The following TRAPPC9 variants were observed in gnomAD, a reference collection of about 807,000 sequenced individuals.
The protein encoded by TRAPPC9 is trafficking protein particle complex subunit 9, also known as IKK2 binding protein.
TRAPPC9 carries 83 observed loss-of-function variants against 124.0 expected under a neutral mutation model. The observed-to-expected ratio is 0.67, with a 90% CI of 0.56 to 0.80. The LOEUF (loss-of-function observed/expected upper bound fraction) is 0.80, where lower values mean the gene tolerates loss of function less well. Among genes scored for constraint, TRAPPC9 ranks in the 30% least tolerant of loss-of-function variants. The probability of loss-of-function intolerance (pLI) is 0.00; values close to 1 mark genes in which losing one functional copy is unlikely to be tolerated. For synonymous variants in TRAPPC9, 638 were observed against 617.5 expected (o/e 1.03, Z -0.49); for missense variants, 1,302 against 1,508.3 (o/e 0.86, Z 2.27).
chr8:140,018,324 A>ATTTTTTCTTTTTTTTTTTTTTTTTTTTCT (rs765656679), intron 18 of TRAPPC9, among the ~76,000 whole-genome samples: 2 of 119,782 alleles, frequency 1.7e-5, no homozygotes, highest in African/African-American at 6.5e-5. Context: ...AACGTAAGTG[A>ATTTTTTCTTTTTTTTTTTTTTTTTTTTCT]TTTTTTTTTT....
intron 17 of TRAPPC9, among the ~76,000 whole-genome samples, chr8:140,101,260 C>G (rs2060572949): frequency 6.6e-6 from 1 of 152,054 alleles, no homozygotes; most frequent in Non-Finnish European, 1.5e-5. Context: ...CTGCCTCAGC[C>G]TCCCAAGTAG....
chr8:139,807,187 A>T (rs1431639758), intron 21 of TRAPPC9, among the ~76,000 whole-genome samples: 4 of 152,208 alleles, frequency 2.6e-5, no homozygotes, highest in Non-Finnish European at 5.9e-5. Context: ...CTGTGGGGTG[A>T]GTAGGGGCCA....
At chr8:140,388,988 G>A (rs919469364) in intron 7 of TRAPPC9, among the ~76,000 whole-genome samples, 1 of 95,174 alleles carries the variant, frequency 1.1e-5, no homozygotes, top group African/African-American at 4.1e-5. Flanking sequence ...ATGGAGTTTT[G>A]CTCTTGTCAC....
intron 7 of TRAPPC9, among the ~76,000 whole-genome samples, chr8:140,372,247 G>A (rs942998670): frequency 6.6e-6 from 1 of 152,200 alleles, no homozygotes; most frequent in Non-Finnish European, 1.5e-5. Context: ...GCTGCTCCAG[G>A]AGCACTGTTA....
intron 17 of TRAPPC9, among the ~76,000 whole-genome samples, chr8:140,034,303 A>G (rs1840738882): frequency 6.6e-6 from 1 of 152,182 alleles, no homozygotes; most frequent in African/African-American, 2.4e-5. Flanking sequence ...CACTTTTTCC[A>G]TACTTCATAA....
intron 21 of TRAPPC9, among the ~76,000 whole-genome samples, chr8:139,805,757 G>A (rs1466953521): frequency 6.6e-6 from 1 of 152,176 alleles, no homozygotes; most frequent in Non-Finnish European, 1.5e-5. Flanking sequence ...CACAGACCCA[G>A]AGAATGCGGC....
chr8:139,956,354 G>A (rs573735223), intron 19 of TRAPPC9, among the ~76,000 whole-genome samples: 1 of 152,132 alleles, frequency 6.6e-6, no homozygotes, highest in African/African-American at 2.4e-5. Flanking sequence ...GTAGAGACGG[G>A]GTTTCACTAT....
chr8:140,426,473 T>C, intron 5 of TRAPPC9, 142 bp downstream of exon 5: 6 of 906,614 alleles, frequency 6.6e-6, no homozygotes, highest in Non-Finnish European at 1.1e-5. Context: ...ATCATCAAGC[T>C]TTTAACAGTT....
intron 21 of TRAPPC9, among the ~76,000 whole-genome samples, chr8:139,827,877 G>A (rs55795700): frequency 1.5e-4 from 23 of 152,284 alleles, no homozygotes; most frequent in African/African-American, 5.1e-4. Flanking sequence ...ACTCATGGCA[G>A]AAGGCAAAGT....
At chr8:139,842,015 C>G (rs1172695132) in intron 21 of TRAPPC9, among the ~76,000 whole-genome samples, 3 of 152,228 alleles carry the variant, frequency 2.0e-5, no homozygotes, top group African/African-American at 4.8e-5. Flanking sequence ...TTGGAAAACA[C>G]AGCAGTGTGA....
chr8:140,444,685 A>ACGCC (rs1554688910), intron 2 of TRAPPC9, among the ~76,000 whole-genome samples: 1 of 150,334 alleles, frequency 6.7e-6, no homozygotes, highest in Non-Finnish European at 1.5e-5. Flanking sequence ...ACATGGTGAG[A>ACGCC]CCCCCCCCAT....
At chr8:140,448,235 T>C (rs73713131) in intron 2 of TRAPPC9, among the ~76,000 whole-genome samples, 13,035 of 152,108 alleles carry the variant, frequency 0.086, 617 homozygotes, top group African/African-American at 0.11. Context: ...GTATTTGATT[T>C]GAGTTCACTG....
At chr8:140,308,687 C>A (rs1334356128) in intron 10 of TRAPPC9, among the ~76,000 whole-genome samples, 1 of 152,026 alleles carries the variant, frequency 6.6e-6, no homozygotes, top group East Asian at 1.9e-4. Flanking sequence ...TCGAGACCAG[C>A]CTGGCCAATA....
chr8:140,312,758 CTTTTTTTTT>C (rs553049081), intron 9 of TRAPPC9, among the ~76,000 whole-genome samples: 1 of 98,580 alleles, frequency 1.0e-5, no homozygotes, highest in Non-Finnish European at 2.2e-5. Flanking sequence ...TCTTCTTCTT[CTTTTTTTTT>C]TTTTTTTTTT....
intron 14 of TRAPPC9, among the ~76,000 whole-genome samples, chr8:140,283,186 C>T (rs922339004): frequency 2.7e-5 from 4 of 150,886 alleles, no homozygotes; most frequent in African/African-American, 4.9e-5. Flanking sequence ...TGCAGTGAGT[C>T]GAGATCACAA....
Position 140,241,640 on chromosome 8 carries a change from A to C in TRAPPC9, c.2431+11137T>G, listed in dbSNP as rs2063858146. The stretch of plus-strand genomic sequence containing the variant: ...AGCCCGGGAGGCAGAGGTTGCAGTG[A>C]GCTGAGATAGTGCTACTGCACTCCA... On this transcript the variant is annotated intron_variant, in intron 16 of 22. Transcript: ENST00000438773. This position sits in a 1 kb window ranked among gnomAD's most constrained non-coding sequence, Gnocchi z 5.0. 6.6e-6 allele frequency among the ~76,000 whole-genome samples: 1 copy of C among 152,192 alleles called. No individual in the cohort carries two copies.
At chr8:140,249,308 G>C (rs967699095) in intron 16 of TRAPPC9, among the ~76,000 whole-genome samples, 3 of 152,068 alleles carry the variant, frequency 2.0e-5, no homozygotes, top group Non-Finnish European at 4.4e-5. Flanking sequence ...GCATTCATTG[G>C]TTTAGGATAA....
intron 19 of TRAPPC9, among the ~76,000 whole-genome samples, chr8:139,950,716 G>A (rs1252155323): frequency 6.6e-6 from 1 of 152,164 alleles, no homozygotes; most frequent in Non-Finnish European, 1.5e-5. Context: ...TGGGTTTCTT[G>A]ATATAGTCCC....
intron 18 of TRAPPC9, among the ~76,000 whole-genome samples, chr8:139,998,625 G>A (rs1178082433): frequency 6.6e-6 from 1 of 152,190 alleles, no homozygotes; most frequent in African/African-American, 2.4e-5. Context: ...GGGAGGCTGA[G>A]GCAGGAGAAT....
Sources: allele counts gnomAD v4.1 joint callset (sites outside exome capture counted in the v4.1 genomes callset), GRCh38; gene constraint gnomAD v4.1.1; non-coding constraint Gnocchi (gnomAD v3.1); transcripts MANE v1.5; gene names NCBI Gene and HGNC (gene_info 2026-07-23, HGNC 2026-07-21).